Variants in MTA3 observed in about 807,000 individuals in gnomAD.
MTA3 encodes metastasis-associated protein MTA3.
Under a neutral mutation model 83.5 loss-of-function variants are expected in MTA3, and 34 were observed. The observed-to-expected ratio is 0.41, with a 90% CI of 0.31 to 0.54. The LOEUF is 0.54. Ranked by LOEUF, MTA3 falls within the 20% of genes least tolerant of loss-of-function variation. MTA3 has a pLI of 0.33. For missense variants in MTA3, 761 were observed against 726.4 expected (o/e 1.05, Z -0.55); for synonymous variants, 303 against 252.7 (o/e 1.20, Z -1.89).
intron 4 of MTA3, among the ~76,000 whole-genome samples, chr2:42,616,004 G>A (rs1684832577): frequency 6.6e-6 from 1 of 151,842 alleles, no homozygotes; most frequent in African/African-American, 2.4e-5. Flanking sequence ...ACAGGCATGA[G>A]CCACCGTGCC....
At chr2:42,596,376 A>G (rs1462606473) in intron 3 of MTA3, among the ~76,000 whole-genome samples, 1 of 152,238 alleles carries the variant, frequency 6.6e-6, no homozygotes, top group African/African-American at 2.4e-5. Context: ...TTATCACAGC[A>G]TTAAAGTAAT....
At chr2:42,677,457 C>G (rs1196829825) in intron 8 of MTA3, among the ~76,000 whole-genome samples, 1 of 152,142 alleles carries the variant, frequency 6.6e-6, no homozygotes, top group Non-Finnish European at 1.5e-5. Flanking sequence ...ATTCTCCTGC[C>G]TCAGCCTACT....
chr2:42,569,853 C>G (rs1472000799), intron 1 of MTA3: 1 of 152,240 alleles, frequency 6.6e-6, no homozygotes. Flanking sequence ...CACTTTGCCT[C>G]TTAGAAGTGA....
chr2:42,638,585 T>C (rs1342269994), intron 4 of MTA3, among the ~76,000 whole-genome samples: 2 of 152,164 alleles, frequency 1.3e-5, no homozygotes, highest in South Asian at 4.2e-4. Flanking sequence ...TAGCCTGGTC[T>C]CAAACTCCTG....
chr2:42,635,973 C>G (rs146615915), intron 4 of MTA3, among the ~76,000 whole-genome samples: 1 of 152,040 alleles, frequency 6.6e-6, no homozygotes, highest in East Asian at 1.9e-4. Context: ...ACCATGTTGC[C>G]CAGGCTGGTC....
rs1007147866 is a variant in MTA3 at position 42,755,141 on chromosome 2, C to G, written c.*1742C>G. The G allele has an allele frequency of 3.0e-6, 3 of 985,344 alleles. No individual in the cohort carries two copies. The African/African-American group carries it at 5.2e-5, about 17-fold the overall frequency. 61.0% of individuals were successfully genotyped at this position (985,344 alleles called of 1,614,324 possible). On this transcript the variant is annotated 3_prime_UTR_variant, in exon 17 of 17. Coordinates refer to ENST00000405094, the MANE Select transcript of MTA3 (RefSeq NM_001330442.2). ...AGACCTGGGAGGAGGTGCCGCATCA[C>G]GTGGATGTTTCTTCCCTAAAGAAAA...
chr2:42,660,656 C>T (rs1689608548), intron 8 of MTA3, among the ~76,000 whole-genome samples: 1 of 152,152 alleles, frequency 6.6e-6, no homozygotes, highest in African/African-American at 2.4e-5. Context: ...GCTCATTTTA[C>T]ACACGAGAAA....
chr2:42,535,040 A>G (rs1572940260), intron 2 of MTA3, among the ~76,000 whole-genome samples: 1 of 152,054 alleles, frequency 6.6e-6, no homozygotes, highest in Non-Finnish European at 1.5e-5. Context: ...TTGGCTTGTT[A>G]TCTATTAGAA....
chr2:42,598,638 T>G (rs1034587935), intron 3 of MTA3, among the ~76,000 whole-genome samples: 1 of 152,236 alleles, frequency 6.6e-6, no homozygotes, highest in Non-Finnish European at 1.5e-5. Context: ...ATAAATATAC[T>G]GCATTTTGTT....
At chr2:42,528,044 C>G (rs1003055435) in intron 2 of MTA3, among the ~76,000 whole-genome samples, 1 of 152,114 alleles carries the variant, frequency 6.6e-6, no homozygotes, top group South Asian at 2.1e-4. Context: ...CTTGCCTCAG[C>G]CTCCCGAATA....
intron 4 of MTA3, among the ~76,000 whole-genome samples, chr2:42,630,573 G>A (rs147181912): frequency 6.6e-6 from 1 of 152,224 alleles, no homozygotes; most frequent in East Asian, 1.9e-4. Context: ...TTGGTGATAG[G>A]TCCATATTGG....
chr2:42,559,240 G>A (rs1677544962), intron 2 of MTA3, among the ~76,000 whole-genome samples: 1 of 152,172 alleles, frequency 6.6e-6, no homozygotes, highest in South Asian at 2.1e-4. Flanking sequence ...AGTGGCTCAC[G>A]CCTGTAATCC....
rs922804254 is a variant in MTA3 at position 42,646,621 on chromosome 2, C to T, written c.499+2377C>T. ...ATGGTGGATATAATATGCAAGAAAA[C>T]TACAGTGAGCGTGGGCCCTGAGGAT... is the stretch of plus-strand genomic sequence containing the variant. On this transcript the variant is annotated intron_variant, in intron 6 of 16. Transcript: ENST00000405094. Among the ~76,000 whole-genome samples, 6 of 152,156 alleles carry T rather than the reference C, an allele frequency of 3.9e-5. No homozygotes were observed. The East Asian group carries it at 1.2e-3, about 29-fold the overall frequency.
At chr2:42,711,576 C>G (rs1666612111) in intron 14 of MTA3, among the ~76,000 whole-genome samples, 1 of 152,146 alleles carries the variant, frequency 6.6e-6, no homozygotes, top group Admixed American at 6.5e-5. Context: ...CAGCCGTCTA[C>G]TCTTTTTTAT....
At chr2:42,723,593 C>T (rs1348316998) in intron 16 of MTA3, among the ~76,000 whole-genome samples, 5 of 152,292 alleles carry the variant, frequency 3.3e-5, no homozygotes, top group African/African-American at 1.2e-4. Context: ...ATCCAAAGTA[C>T]TTCTCTTGGG....
rs1186928218 is a variant in MTA3 at position 42,599,565 on chromosome 2, G to A, written c.191-9893G>A. On this transcript the variant is annotated intron_variant, in intron 3 of 16. Coordinates refer to ENST00000405094, the MANE Select transcript of MTA3 (RefSeq NM_001330442.2). ...AGATTGCGCCACTGCACTCCAGCCCGGGCGACAGTGTGAGACTCCATCTCC... is the reference window on the plus strand; with the variant it reads ...AGATTGCGCCACTGCACTCCAGCCCAGGCGACAGTGTGAGACTCCATCTCC... Among the ~76,000 whole-genome samples, 5 of 152,088 alleles carry A rather than the reference G, an allele frequency of 3.3e-5. No individual in the cohort carries two copies. The East Asian group carries it at 5.8e-4, about 18-fold the overall frequency.
At chr2:42,580,441 G>A (rs1398571190) in intron 3 of MTA3, among the ~76,000 whole-genome samples, 2 of 151,798 alleles carry the variant, frequency 1.3e-5, no homozygotes, top group Admixed American at 6.6e-5. Flanking sequence ...GTGCCATCTT[G>A]GCTCACTGCA....
intron 2 of MTA3, among the ~76,000 whole-genome samples, chr2:42,536,858 C>CAAAAAAAAA (rs71410118): frequency 1.2e-5 from 1 of 84,296 alleles, no homozygotes; most frequent in African/African-American, 4.8e-5. Context: ...GACCCCATCT[C>CAAAAAAAAA]AAAAAAAAAA....
chr2:42,635,303 A>T (rs1334001532), intron 4 of MTA3, among the ~76,000 whole-genome samples: 1 of 152,260 alleles, frequency 6.6e-6, no homozygotes, highest in South Asian at 2.1e-4. Flanking sequence ...TAATATTTTG[A>T]CACTGTTCTT....
Sources: allele counts gnomAD v4.1 joint callset (sites outside exome capture counted in the v4.1 genomes callset), GRCh38; gene constraint gnomAD v4.1.1; transcripts MANE v1.5; gene names NCBI Gene and HGNC (gene_info 2026-07-23, HGNC 2026-07-21).